Variants in PARD3B observed in about 807,000 individuals in gnomAD.
PARD3B encodes the protein par-3 family cell polarity regulator beta, also known as partitioning defective 3 homolog B.
A neutral mutation model predicts 130.2 loss-of-function variants in PARD3B; 103 were observed. The ratio of observed to expected loss-of-function variants is 0.79; its 90% CI spans 0.67 to 0.93. PARD3B has a LOEUF of 0.93. PARD3B is among the 40% of genes least tolerant of loss of function. The pLI, the probability that PARD3B is intolerant of heterozygous loss-of-function variation, is 0.00. For synonymous variants in PARD3B, 583 were observed against 553.2 expected (o/e 1.05, Z -0.76); for missense variants, 1,609 against 1,499.2 (o/e 1.07, Z -1.21).
chr2:204,938,019 T>C lies in PARD3B; in HGVS notation c.223-27133T>C, dbSNP rs74393873. ...CAGTGACACGCCAGTGGCTGAGTCC[T>C]AGGTGTGCCCTCAGGTTTTATAACT... On this transcript the variant is annotated intron_variant, in intron 2 of 22. Coordinates refer to ENST00000406610, the MANE Select transcript of PARD3B (RefSeq NM_001302769.2). Among the ~76,000 whole-genome samples, 1,386 of 152,306 alleles carry C rather than the reference T, an allele frequency of 9.1e-3. 26 individuals carry two copies. The highest frequency in any genetic ancestry group is 0.031 in the African/African-American group (1,289 of 41,560).
At chr2:205,177,669 CT>C (rs768055291) in intron 13 of PARD3B, among the ~76,000 whole-genome samples, 3 of 152,264 alleles carry the variant, frequency 2.0e-5, no homozygotes, top group Non-Finnish European at 4.4e-5. Context: ...ATTAAATTAT[CT>C]CATTAGAATG....
intron 3 of PARD3B, among the ~76,000 whole-genome samples, chr2:204,997,975 T>TAC (rs397707782): frequency 6.7e-6 from 1 of 149,480 alleles, no homozygotes; most frequent in African/African-American, 2.4e-5. Context: ...TATATATATA[T>TAC]GTGCATATAT....
chr2:204,857,531 T>A lies in PARD3B; in HGVS notation c.223-107621T>A, dbSNP rs556795259. 2.0e-3 allele frequency among the ~76,000 whole-genome samples: 305 copies of A among 152,174 alleles called. 1 individual carries two copies. Among genetic ancestry groups the A allele is most frequent in the African/African-American group, 7.0e-3 (289 of 41,528 alleles). On this transcript the variant is annotated intron_variant, in intron 2 of 22. Transcript: ENST00000406610. ...GACATAGGACACTTCATAGGAAAAT[T>A]AAGATGCAAAAAAACAGAGAGACCT...
At position 204,678,449 on chromosome 2, in the gene PARD3B, G is replaced by A. The variant is rs911241107; in HGVS notation, c.121-7732G>A. On this transcript the variant is annotated intron_variant, in intron 1 of 22. Coordinates refer to ENST00000406610, the MANE Select transcript of PARD3B (RefSeq NM_001302769.2). The surrounding 1 kb of genome is among the most constrained non-coding windows in gnomAD (Gnocchi z 4.2). ...CATCCAGGAAGAATCAGGTCACACG[G>A]ACTTGAAGGATGTTGAATGCAGAGG... is the stretch of plus-strand genomic sequence containing the variant. Among the ~76,000 whole-genome samples the A allele has an allele frequency of 6.6e-6, 1 of 152,108 alleles. No individual in the cohort carries two copies. The highest frequency in any genetic ancestry group is 2.4e-5 in the African/African-American group (1 of 41,412).
In PARD3B at chr2:205,470,152, C is replaced by T. The variant is rs148320365; in HGVS notation, c.3044+29480C>T. 3.1e-4 allele frequency among the ~76,000 whole-genome samples: 47 copies of T among 152,194 alleles called. 1 individual carries two copies. The highest frequency in any genetic ancestry group is 3.4e-3 in the Middle Eastern group (1 of 294). On this transcript the variant is annotated intron_variant, in intron 20 of 22. Transcript: ENST00000406610. The surrounding 1 kb of genome is among the most constrained non-coding windows in gnomAD (Gnocchi z 4.8). The stretch of plus-strand genomic sequence containing the variant: ...TGATCTCAGCATTTTTTTTCCAGTT[C>T]CAAAATTATATGGTTCTGCAATTCT...
At position 205,183,833 on chromosome 2, in the gene PARD3B, T is replaced by C. The variant is rs1329951811; in HGVS notation, c.1925-1931T>C. Among the ~76,000 whole-genome samples, 2 of 151,464 alleles carry C rather than the reference T, an allele frequency of 1.3e-5. No individual in the cohort carries two copies. The highest frequency in any genetic ancestry group is 4.9e-5 in the African/African-American group (2 of 41,158). On this transcript the variant is annotated intron_variant, in intron 13 of 22. Coordinates refer to ENST00000406610, the MANE Select transcript of PARD3B (RefSeq NM_001302769.2). This position sits in a 1 kb window ranked among gnomAD's most constrained non-coding sequence, Gnocchi z 5.2. ...CCATGGAGACAGGCACATCCCAGGA[T>C]CTGCAGGATGAGTCAGCAAGCTGGG...
chr2:205,009,858 G>C (rs567337011), intron 3 of PARD3B, among the ~76,000 whole-genome samples: 1 of 152,278 alleles, frequency 6.6e-6, no homozygotes, highest in African/African-American at 2.4e-5. Flanking sequence ...GTGATGGAAA[G>C]ATGTGGAATT....
In PARD3B at chr2:205,589,966, G is replaced by A. The variant is rs188174990; in HGVS notation, c.3261-25490G>A. On this transcript the variant is annotated intron_variant, in intron 22 of 22. Transcript: ENST00000406610. This position sits in a 1 kb window ranked among gnomAD's most constrained non-coding sequence, Gnocchi z 4.1. ...TTGAAAGCTGTATCAAGCTGAAGAA[G>A]CATAAGCTGCAACAAAGCTTTTCTC... 8.5e-4 allele frequency among the ~76,000 whole-genome samples: 129 copies of A among 152,208 alleles called. No individual in the cohort carries two copies. In the South Asian group the frequency reaches 8.5e-3, roughly 10 times the overall value.
chr2:205,496,727 A>G (rs1384828884), intron 20 of PARD3B, among the ~76,000 whole-genome samples: 1 of 152,146 alleles, frequency 6.6e-6, no homozygotes, highest in African/African-American at 2.4e-5. Context: ...ATATGGAAGA[A>G]TAGTTTACAG....
chr2:205,210,199 C>T (rs954537418), intron 15 of PARD3B, among the ~76,000 whole-genome samples: 12 of 151,528 alleles, frequency 7.9e-5, no homozygotes, highest in Admixed American at 5.9e-4. Context: ...GACCCCATCT[C>T]TACAAAAAAA....
intron 21 of PARD3B, among the ~76,000 whole-genome samples, chr2:205,534,434 A>G (rs1388560617): frequency 1.3e-5 from 2 of 151,742 alleles, no homozygotes; most frequent in Admixed American, 6.6e-5. Flanking sequence ...GAGAGGTGGG[A>G]GGATCAGAAC....
chr2:205,496,271 T>C (rs2049921813), intron 20 of PARD3B, among the ~76,000 whole-genome samples: 2 of 152,190 alleles, frequency 1.3e-5, no homozygotes, highest in Non-Finnish European at 2.9e-5. Flanking sequence ...GGTAAGCATA[T>C]GTGTATTATC....
At chr2:204,639,989 C>T (rs1036216845) in intron 1 of PARD3B, among the ~76,000 whole-genome samples, 3 of 152,092 alleles carry the variant, frequency 2.0e-5, no homozygotes, top group Admixed American at 6.5e-5. Flanking sequence ...CATGGTGGCT[C>T]ATGCCTATAA....
At chr2:204,981,798 C>G (rs377144958) in intron 3 of PARD3B, among the ~76,000 whole-genome samples, 1 of 151,894 alleles carries the variant, frequency 6.6e-6, no homozygotes, top group African/African-American at 2.4e-5. Context: ...ATGACAAGAA[C>G]GAGGAGTCTA....
intron 20 of PARD3B, among the ~76,000 whole-genome samples, chr2:205,496,348 A>G (rs2049925104): frequency 6.6e-6 from 1 of 152,204 alleles, no homozygotes; most frequent in African/African-American, 2.4e-5. Context: ...TTAAATACCT[A>G]TTTAGGAAAA....
At chr2:205,151,390 G>C (rs1185718370) in intron 10 of PARD3B, among the ~76,000 whole-genome samples, 1 of 152,172 alleles carries the variant, frequency 6.6e-6, no homozygotes, top group East Asian at 1.9e-4. Flanking sequence ...TTACTGTGTG[G>C]GGGTCTAAGT....
rs918942898 is a variant in PARD3B at position 204,949,484 on chromosome 2, A to AT, written c.223-15659dup. On this transcript the variant is annotated intron_variant, in intron 2 of 22. Coordinates refer to ENST00000406610, the MANE Select transcript of PARD3B (RefSeq NM_001302769.2). ...AGGAGCATACCACCACACCTGGCTA[A>AT]TTTTTTTTTAAATTTCCTGTAGAGA... 2.6e-4 allele frequency among the ~76,000 whole-genome samples: 40 copies of AT among 151,180 alleles called. No homozygotes were observed. In the South Asian group the frequency reaches 4.8e-3, roughly 18 times the overall value.
chr2:204,940,791 G>A (rs986239769), intron 2 of PARD3B, among the ~76,000 whole-genome samples: 2 of 152,024 alleles, frequency 1.3e-5, no homozygotes, highest in African/African-American at 2.4e-5. Context: ...CCATCATCAT[G>A]TATTCTAGGA....
At chr2:205,318,469 T>G (rs901008064) in intron 18 of PARD3B, among the ~76,000 whole-genome samples, 1 of 152,186 alleles carries the variant, frequency 6.6e-6, no homozygotes, top group Non-Finnish European at 1.5e-5. Context: ...ATCGCACTTT[T>G]GGAAAGGATC....
Sources: gnomAD v4.1 joint callset for allele counts (sites outside exome capture counted in the v4.1 genomes callset) on GRCh38, gnomAD v4.1.1 for gene constraint, Gnocchi (gnomAD v3.1) non-coding constraint, MANE v1.5 for transcripts, NCBI Gene and HGNC (gene_info 2026-07-23, HGNC 2026-07-21) for gene names.